The following PHF21A variants were observed in gnomAD, a reference collection of about 807,000 sequenced individuals.
PHF21A encodes the protein BHC80a.
Under a neutral mutation model 82.5 loss-of-function variants are expected in PHF21A, and 11 were observed. The ratio of observed to expected loss-of-function variants is 0.13; its 90% CI spans 0.08 to 0.22. PHF21A has a LOEUF of 0.22. Among genes scored for constraint, PHF21A ranks in the 10% least tolerant of loss-of-function variants. The probability of loss-of-function intolerance (pLI) is 1.00; values close to 1 mark genes in which losing one functional copy is unlikely to be tolerated. For missense variants in PHF21A, 579 were observed against 837.8 expected (o/e 0.69, Z 3.81); for synonymous variants, 297 against 302.8 (o/e 0.98, Z 0.20).
chr11:46,056,507 T>C lies in PHF21A; in HGVS notation c.153+20247A>G, dbSNP rs76477043. ...GATTTTAAAACAAGAAATTGGGCTT[T>C]TAAAAAATAGGTCCTTGTAAACGTC... On this transcript the variant is annotated intron_variant, in intron 6 of 18. Coordinates refer to ENST00000676320, the MANE Select transcript of PHF21A (RefSeq NM_001352027.3). Among the ~76,000 whole-genome samples, 1,437 of 152,202 alleles carry C rather than the reference T, an allele frequency of 9.4e-3. 30 individuals carry two copies. The highest frequency in any genetic ancestry group is 0.033 in the African/African-American group (1,364 of 41,546).
At chr11:45,970,498 G>A (rs1439239399) in intron 8 of PHF21A, 1 of 152,238 alleles carries the variant, frequency 6.6e-6, no homozygotes, top group Non-Finnish European at 1.5e-5. Context: ...TTTCTCCCAA[G>A]CTTCTGAGAA....
At chr11:46,098,623 A>C (rs1260342958) in intron 1 of PHF21A, among the ~76,000 whole-genome samples, 1 of 152,204 alleles carries the variant, frequency 6.6e-6, no homozygotes, top group East Asian at 1.9e-4. Context: ...AAACTTCTTA[A>C]TTATAGATCA....
intron 6 of PHF21A, among the ~76,000 whole-genome samples, chr11:46,032,658 CTATA>C (rs1182765324): frequency 5.3e-5 from 8 of 152,198 alleles, no homozygotes; most frequent in East Asian, 3.9e-4. Context: ...TCTGAAAAGG[CTATA>C]TATACTTTCA....
At chr11:46,100,777 G>A (rs149612103) in intron 1 of PHF21A, among the ~76,000 whole-genome samples, 99 of 152,246 alleles carry the variant, frequency 6.5e-4, no homozygotes, top group African/African-American at 2.2e-3. Context: ...CCATTACCTT[G>A]TAGTGACTCC....
At chr11:46,066,500 C>A (rs1355910154) in intron 6 of PHF21A, among the ~76,000 whole-genome samples, 1 of 152,058 alleles carries the variant, frequency 6.6e-6, no homozygotes, top group Non-Finnish European at 1.5e-5. Flanking sequence ...GAATTCAAGA[C>A]CAGCCTGGGC....
At chr11:45,994,821 C>A (rs1310253143) in intron 6 of PHF21A, among the ~76,000 whole-genome samples, 2 of 152,216 alleles carry the variant, frequency 1.3e-5, no homozygotes, top group African/African-American at 4.8e-5. Context: ...TCACTGGCAA[C>A]GTGACACACT....
intron 1 of PHF21A, among the ~76,000 whole-genome samples, chr11:46,105,578 G>A (rs1593295815): frequency 6.6e-6 from 1 of 152,076 alleles, no homozygotes; most frequent in Non-Finnish European, 1.5e-5. Context: ...AGTGTGTACA[G>A]TACCCTTCCA....
intron 6 of PHF21A, among the ~76,000 whole-genome samples, chr11:45,983,511 A>T (rs903830353): frequency 1.3e-5 from 2 of 152,092 alleles, no homozygotes; most frequent in African/African-American, 4.8e-5. Context: ...AAAAATTTTT[A>T]AATCAAGATT....
intron 1 of PHF21A, among the ~76,000 whole-genome samples, chr11:46,105,269 G>A (rs978761650): frequency 2.6e-5 from 4 of 152,092 alleles, no homozygotes; most frequent in African/African-American, 4.8e-5. Context: ...CGAATTACAT[G>A]AAAACAAAAC....
chr11:45,989,505 A>AAAC (rs1253576590), intron 6 of PHF21A, among the ~76,000 whole-genome samples: 18 of 148,460 alleles, frequency 1.2e-4, no homozygotes, highest in Non-Finnish European at 2.4e-4. Flanking sequence ...AAAAAAAAAA[A>AAAC]AAAAATACAA....
chr11:45,990,096 A>G (rs1488065654), intron 6 of PHF21A, among the ~76,000 whole-genome samples: 1 of 152,128 alleles, frequency 6.6e-6, no homozygotes, highest in Non-Finnish European at 1.5e-5. Flanking sequence ...TAATTACAAA[A>G]TCTAATCCAC....
chr11:46,080,579 G>A (rs899938790), intron 4 of PHF21A, among the ~76,000 whole-genome samples: 1 of 152,150 alleles, frequency 6.6e-6, no homozygotes, highest in Non-Finnish European at 1.5e-5. Context: ...AAACTACTAT[G>A]TGTTAAAGTT....
rs1208235155 is a variant in PHF21A at position 45,934,146 on chromosome 11, A to C, written c.1868T>G (p.Ile623Ser). The change falls in exon 19 of 19, where the codon ATT becomes AGT. Residue 623 changes from isoleucine to serine, a missense_variant. Coordinates refer to ENST00000676320, the MANE Select transcript of PHF21A (RefSeq NM_001352027.3). ...HSSLEKVKQL[I>S]RLIHGIDLSK... is the part of the protein sequence containing the mutation. Reference sequence around the variant, plus strand: ...GAGGTCGATGCCGTGGATGAGGCGAATCAGCTGTTTTACCTTCTCCAGGGA... The same window carrying C: ...GAGGTCGATGCCGTGGATGAGGCGACTCAGCTGTTTTACCTTCTCCAGGGA... 1.2e-6 allele frequency: 2 copies of C among 1,614,052 alleles called. No individual in the cohort carries two copies. Among genetic ancestry groups the C allele is most frequent in the African/African-American group, 2.7e-5 (2 of 74,924 alleles).
intron 6 of PHF21A, among the ~76,000 whole-genome samples, chr11:45,984,500 G>A (rs1264904523): frequency 3.9e-5 from 6 of 152,162 alleles, no homozygotes; most frequent in East Asian, 1.9e-4. Flanking sequence ...GACATTCAGC[G>A]ATACTATCAA....
chr11:45,967,666 T>G (rs765646721), intron 9 of PHF21A, among the ~76,000 whole-genome samples: 1 of 152,226 alleles, frequency 6.6e-6, no homozygotes, highest in Non-Finnish European at 1.5e-5. Context: ...AAATGTCTGA[T>G]GCTATCTTGC....
intron 6 of PHF21A, among the ~76,000 whole-genome samples, chr11:46,012,586 C>G (rs533898058): frequency 1.3e-5 from 2 of 152,146 alleles, no homozygotes; most frequent in Admixed American, 6.6e-5. Context: ...AAAGTAGCTA[C>G]CTCAAAGGGC....
At chr11:45,996,590 C>T (rs537370971) in intron 6 of PHF21A, among the ~76,000 whole-genome samples, 19 of 152,272 alleles carry the variant, frequency 1.2e-4, no homozygotes, top group African/African-American at 4.3e-4. Context: ...ATGCTACTCT[C>T]CATATGCACA....
chr11:45,966,562 T>C (rs1002882898), intron 9 of PHF21A, among the ~76,000 whole-genome samples: 10 of 152,252 alleles, frequency 6.6e-5, no homozygotes, highest in Non-Finnish European at 1.2e-4. Flanking sequence ...TCACTAGCTG[T>C]GTAACCTGAG....
intron 9 of PHF21A, among the ~76,000 whole-genome samples, chr11:45,968,806 T>G (rs2093595035): frequency 6.6e-6 from 1 of 151,846 alleles, no homozygotes; most frequent in Non-Finnish European, 1.5e-5. Flanking sequence ...GGCACATGCA[T>G]GTAATCCCCA....
Sources: allele counts gnomAD v4.1 joint callset (sites outside exome capture counted in the v4.1 genomes callset), GRCh38; gene constraint gnomAD v4.1.1; transcripts MANE v1.5; gene names NCBI Gene and HGNC (gene_info 2026-07-23, HGNC 2026-07-21).